Variants in FOXD4L1 observed in about 807,000 individuals in gnomAD.
FOXD4L1 encodes the protein forkhead box D4 like 1.
FOXD4L1 carries 10 observed loss-of-function variants against 24.8 expected under a neutral mutation model. The ratio of observed to expected loss-of-function variants is 0.40; its 90% CI spans 0.25 to 0.68. The LOEUF is 0.68. FOXD4L1 is among the 30% of genes least tolerant of loss of function. FOXD4L1 has a pLI of 0.37. For missense variants in FOXD4L1, 364 were observed against 572.4 expected, an observed-to-expected ratio of 0.64 and a Z score of 3.72; for synonymous variants, 159 against 256.4, an observed-to-expected ratio of 0.62 and a Z score of 3.63.
In FOXD4L1 at chr2:113,498,854, C is replaced by T. The variant is rs191840492; in HGVS notation, c.-403C>T. The stretch of plus-strand genomic sequence containing the variant: ...CGCCTTAACAGAACCCGTGCAAAGG[C>T]TTGCCTACTTGTCTGGCTGCACCGG... On this transcript the variant is annotated 5_prime_UTR_variant, in exon 1 of 1. Coordinates refer to ENST00000306507, the Ensembl canonical transcript of FOXD4L1. 1.1e-5 allele frequency: 4 copies of T among 357,554 alleles called. No individual in the cohort carries two copies. In the East Asian group the frequency reaches 3.6e-4, roughly 32 times the overall value. The allele number at this position is 357,554 out of a possible 1,614,324, so 22.1% of individuals were successfully genotyped here. A position where few individuals can be genotyped will look rare whatever the true frequency, so the allele number is the denominator to read the frequency against.
chr2:113,500,305 G>A (rs1284571007), exon 1 of FOXD4L1: 3 of 1,531,008 alleles, frequency 2.0e-6, no homozygotes, highest in Non-Finnish European at 2.6e-6. Context: ...ACCGCGTGGA[G>A]CTACTGCCCC....
chr2:113,500,700 C>A lies in FOXD4L1; in HGVS notation c.*217C>A. ...AGCAAACACGAACTTCTGTTCCCTG[C>A]AAAATGGTTAGAAAGAAACAGCTGG... On this transcript the variant is annotated 3_prime_UTR_variant, in exon 1 of 1. Coordinates refer to ENST00000306507, the Ensembl canonical transcript of FOXD4L1. The A allele has an allele frequency of 6.5e-6, 8 of 1,235,108 alleles. 2 individuals carry two copies. The East Asian group carries it at 1.7e-4, about 26-fold the overall frequency. The allele number at this position is 1,235,108 out of a possible 1,614,324, so 76.5% of individuals were successfully genotyped here. A position where few individuals can be genotyped will look rare whatever the true frequency, so the allele number is the denominator to read the frequency against.
exon 1 of FOXD4L1, chr2:113,499,865 C>G: frequency 6.3e-7 from 1 of 1,578,118 alleles, no homozygotes; most frequent in Non-Finnish European, 8.6e-7. Flanking sequence ...GGAAGCGTTT[C>G]AAGCGCCACC....
exon 1 of FOXD4L1, chr2:113,499,221 C>T (rs755162989): frequency 5.0e-6 from 8 of 1,611,808 alleles, no homozygotes; most frequent in South Asian, 1.1e-5. Flanking sequence ...GGTGATCGGC[C>T]GCCACATCCC....
At position 113,500,472 on chromosome 2, in the gene FOXD4L1, A is replaced by G. The variant is rs748323425; in HGVS notation, c.1216A>G (p.Arg406Gly). 2.6e-6 allele frequency: 4 copies of G among 1,518,444 alleles called. 1 individual carries two copies. The highest frequency in any genetic ancestry group is 1.8e-6 in the Non-Finnish European group (2 of 1,125,780). The allele number at this position is 1,518,444 out of a possible 1,614,324, so 94.1% of individuals were successfully genotyped here. Residue 406 changes from arginine (R) to glycine (G), a missense_variant, in exon 1 of 1, where the codon AGA (arginine) becomes GGA (glycine). Coordinates refer to ENST00000306507, the Ensembl canonical transcript of FOXD4L1. ...CGCTGCTGCGGTATCAGGCGGTGGC[A>G]GAGGGCTCTAGGCTGACATCGCTGG...
chr2:113,499,457 T>C, exon 1 of FOXD4L1: 1 of 1,576,190 alleles, frequency 6.3e-7, no homozygotes, highest in Non-Finnish European at 8.6e-7. Context: ...GGGGCGGGGT[T>C]GCGCTTCCCC....
Position 113,499,262 on chromosome 2 carries a change from C to A in FOXD4L1, c.6C>A (p.Asn2Lys), listed in dbSNP as rs1169638902. The change falls in exon 1 of 1, where the codon AAC (asparagine) becomes AAA (lysine). Residue 2 changes from asparagine to lysine, a missense_variant. Transcript: ENST00000306507. Reference sequence around the variant, plus strand: ...ACTGAAGCACCTGCTCCGCCATGAACCTGCCAAGAGCTGAGCGCCCTCGCT... The same window carrying A: ...ACTGAAGCACCTGCTCCGCCATGAAACTGCCAAGAGCTGAGCGCCCTCGCT... The A allele has an allele frequency of 3.7e-6, 6 of 1,609,502 alleles. No individual in the cohort carries two copies. In the African/African-American group the frequency reaches 8.0e-5, roughly 22 times the overall value.
chr2:113,500,835 G>C, exon 1 of FOXD4L1: 1 of 519,648 alleles, frequency 1.9e-6, no homozygotes, highest in South Asian at 3.3e-5. Flanking sequence ...ACATTTCCTG[G>C]GGTACTATGA....
At chr2:113,500,382 C>G in exon 1 of FOXD4L1, 1 of 1,519,732 alleles carries the variant, frequency 6.6e-7, no homozygotes. Context: ...AGGAGGAGGA[C>G]TGCGCCAACG....
exon 1 of FOXD4L1, chr2:113,500,439 C>A (rs761378305): frequency 6.6e-7 from 1 of 1,518,546 alleles, no homozygotes; most frequent in Non-Finnish European, 8.9e-7. Context: ...ACCTGTCGGC[C>A]GCGTCGGCGC....
chr2:113,500,484 G>T, exon 1 of FOXD4L1: 3 of 1,517,530 alleles, frequency 2.0e-6, no homozygotes, highest in Non-Finnish European at 2.7e-6. Context: ...AGGGCTCTAG[G>T]CTGACATCGC....
At chr2:113,500,550 G>A in exon 1 of FOXD4L1, 2 of 1,500,988 alleles carry the variant, frequency 1.3e-6, no homozygotes, top group East Asian at 6.1e-5. Flanking sequence ...TATCGCCCAC[G>A]CCCAGTTCCC....
At chr2:113,499,605 A>G in exon 1 of FOXD4L1, 1 of 1,611,576 alleles carries the variant, frequency 6.2e-7, no homozygotes, top group African/African-American at 1.3e-5. Flanking sequence ...CGCGCTCATC[A>G]CCATGGCCAT....
exon 1 of FOXD4L1, chr2:113,499,014 G>A (rs1682383359): frequency 9.1e-6 from 6 of 655,972 alleles, no homozygotes; most frequent in South Asian, 5.9e-5. Context: ...CCGAGGTAGG[G>A]GAAGAAGGGT....
chr2:113,500,575 G>A (rs1682426036), exon 1 of FOXD4L1: 2 of 1,488,790 alleles, frequency 1.3e-6, no homozygotes, highest in Non-Finnish European at 1.8e-6. Context: ...CAAGTCCGCA[G>A]GGCCCTCCTA....
Position 113,500,125 on chromosome 2 carries a change from C to T in FOXD4L1, c.869C>T (p.Ala290Val), listed in dbSNP as rs759588451. ...AAGAAAGCAGAAGGCGCGGACCTGG[C>T]GACCCCCGGCACCCTTCCCGTGCTG... The change falls in exon 1 of 1, where the codon GCG becomes GTG. Residue 290 changes from alanine to valine, a missense_variant. Coordinates refer to ENST00000306507, the Ensembl canonical transcript of FOXD4L1. 12 of 1,517,666 alleles carry T rather than the reference C, an allele frequency of 7.9e-6. 3 individuals carry two copies. In the Admixed American group the frequency reaches 1.6e-4, roughly 20 times the overall value. The allele number at this position is 1,517,666 out of a possible 1,614,324, so 94.0% of individuals were successfully genotyped here.
At chr2:113,499,545 G>A in exon 1 of FOXD4L1, 1 of 1,606,786 alleles carries the variant, frequency 6.2e-7, no homozygotes, top group South Asian at 1.1e-5. Flanking sequence ...AAGGTCTGCG[G>A]CGGCCTCTGA....
chr2:113,499,410 G>C, exon 1 of FOXD4L1: 4 of 1,606,670 alleles, frequency 2.5e-6, no homozygotes, highest in Non-Finnish European at 3.4e-6. Flanking sequence ...GAAGTTCCTA[G>C]AGCAGTCGCT....
chr2:113,500,345 C>A lies in FOXD4L1; in HGVS notation c.1089C>A (p.Asp363Glu), dbSNP rs536010168. ...TCCAGCGACCGTCAAGCCTGTCGGA[C>A]AATTTTGCAGCAACAGCAGCAGCAT... is the stretch of plus-strand genomic sequence containing the variant. Residue 363 changes from aspartate (D) to glutamate (E), a missense_variant, in exon 1 of 1, where the codon GAC (aspartate) becomes GAA (glutamate). Coordinates refer to ENST00000306507, the Ensembl canonical transcript of FOXD4L1. 8 of 1,520,140 alleles carry A rather than the reference C, an allele frequency of 5.3e-6. 2 individuals carry two copies. In the South Asian group the frequency reaches 9.5e-5, roughly 18 times the overall value. The allele number at this position is 1,520,140 out of a possible 1,614,324, so 94.2% of individuals were successfully genotyped here. A position where few individuals can be genotyped will look rare whatever the true frequency, so the allele number is the denominator to read the frequency against.
Sources: gnomAD v4.1 joint callset for allele counts on GRCh38, gnomAD v4.1.1 for gene constraint, MANE v1.5 for transcripts, NCBI Gene and HGNC (gene_info 2026-07-23, HGNC 2026-07-21) for gene names.